The following THOP1 variants were observed in gnomAD, a reference collection of about 807,000 sequenced individuals.
THOP1 encodes the protein thimet oligopeptidase.
A neutral mutation model predicts 71.8 loss-of-function variants in THOP1; 49 were observed. The ratio of observed to expected loss-of-function variants is 0.68; its 90% CI spans 0.54 to 0.87. The LOEUF is 0.87. Ranked by LOEUF, THOP1 falls within the 40% of genes least tolerant of loss-of-function variation. The pLI is 0.00. For synonymous variants in THOP1, 426 were observed against 421.5 expected, an observed-to-expected ratio of 1.01 and a Z score of -0.13; for missense variants, 843 against 975.6, an observed-to-expected ratio of 0.86 and a Z score of 1.81.
In THOP1 at chr19:2,785,658, C is replaced by A; in HGVS notation, c.-5C>A. ...GAGGGAGCCGCAGGCGCAGACCCAC[C>A]CGCCATGAAGCCCCCCGCAGGTACC... On this transcript the variant is annotated 5_prime_UTR_variant, in exon 1 of 13. Coordinates refer to ENST00000307741, the MANE Select transcript of THOP1 (RefSeq NM_003249.5). 6.7e-7 allele frequency: 1 copy of A among 1,497,012 alleles called. No individual in the cohort carries two copies. Among genetic ancestry groups the A allele is most frequent in the African/African-American group, 1.4e-5 (1 of 69,636 alleles). The allele number at this position is 1,497,012 out of a possible 1,614,324, so 92.7% of individuals were successfully genotyped here.
chr19:2,805,126 C>CCTTT lies in THOP1; in HGVS notation c.702_703insTTCT (p.Glu235PhefsTer2). 1 of 1,612,804 alleles carries CCTTT rather than the reference C, an allele frequency of 6.2e-7. No homozygotes were observed. The highest frequency in any genetic ancestry group is 8.5e-7 in the Non-Finnish European group (1 of 1,179,836). ...CCCCCTCCTGAAGAAATGCCACGTG[C>CCTTT]CTGAGACCAGGAGGAAAGTGGAGGA... On this transcript the variant is annotated frameshift_variant, in exon 6 of 13. Transcript: ENST00000307741. LOFTEE classifies it high-confidence loss of function. This position sits in a 1 kb window ranked among gnomAD's most constrained non-coding sequence, Gnocchi z 6.6.
At chr19:2,793,106 C>T (rs990131281) in intron 2 of THOP1, among the ~76,000 whole-genome samples, 9 of 149,734 alleles carry the variant, frequency 6.0e-5, no homozygotes, top group Non-Finnish European at 1.3e-4. Context: ...ACCCGGGAGG[C>T]GGAGGTGGCG....
intron 4 of THOP1, among the ~76,000 whole-genome samples, chr19:2,796,826 G>A (rs1442889398): frequency 2.0e-5 from 3 of 152,192 alleles, no homozygotes; most frequent in Admixed American, 2.0e-4. Flanking sequence ...GGTCCACACA[G>A]ACATGGGGCG....
chr19:2,811,508 G>A, intron 11 of THOP1, 90 bp from the exon 12 acceptor site: 1 of 1,504,106 alleles, frequency 6.6e-7, no homozygotes, highest in Non-Finnish European at 8.9e-7. Flanking sequence ...TTCCGGGCAG[G>A]GGTCTCAGGA....
chr19:2,810,388 G>T lies in THOP1; in HGVS notation c.1540G>T (p.Glu514Ter). ...GCAGATGCTGGAGAACTGGGTGTGGGAGCAGGAGCCGCTGCTGCGGATGTC... is the reference window on the plus strand; with the variant it reads ...GCAGATGCTGGAGAACTGGGTGTGGTAGCAGGAGCCGCTGCTGCGGATGTC... ...PSQMLENWVW[E>*]QEPLLRMSRH... Residue 514 changes from glutamate (E) to a stop codon, truncating the protein, a stop_gained, in exon 10 of 13, where the codon GAG becomes TAG. Coordinates refer to ENST00000307741, the MANE Select transcript of THOP1 (RefSeq NM_003249.5). LOFTEE classifies it high-confidence loss of function. 1 of 1,610,806 alleles carries T rather than the reference G, an allele frequency of 6.2e-7. No homozygotes were observed.
chr19:2,803,416 C>T (rs368414212), intron 5 of THOP1, among the ~76,000 whole-genome samples: 2 of 152,186 alleles, frequency 1.3e-5, no homozygotes, highest in African/African-American at 4.8e-5. Flanking sequence ...CCACAGTGAA[C>T]GTGAACTATG....
At chr19:2,792,753 A>G (rs1915916926) in intron 2 of THOP1, among the ~76,000 whole-genome samples, 1 of 151,946 alleles carries the variant, frequency 6.6e-6, no homozygotes, top group Non-Finnish European at 1.5e-5. Flanking sequence ...TCCCAGGCTC[A>G]AGCGATCCTC....
chr19:2,789,266 T>G (rs1915822596), intron 1 of THOP1, among the ~76,000 whole-genome samples: 1 of 152,220 alleles, frequency 6.6e-6, no homozygotes, highest in Non-Finnish European at 1.5e-5. Flanking sequence ...CAGAACTGTT[T>G]GCTGGCCCCC....
chr19:2,807,311 G>A, intron 7 of THOP1, 131 bp from the exon 8 acceptor site: 1 of 1,393,002 alleles, frequency 7.2e-7, no homozygotes, highest in Non-Finnish European at 9.4e-7. Flanking sequence ...GGCCCCTCGA[G>A]GGGTTGCCGG....
At chr19:2,803,532 G>A (rs75995078) in intron 5 of THOP1, among the ~76,000 whole-genome samples, 142 of 152,274 alleles carry the variant, frequency 9.3e-4, no homozygotes, top group African/African-American at 3.1e-3. Flanking sequence ...CCAGTCCAGC[G>A]CTGCTGGGCC....
Position 2,805,256 on chromosome 19 carries a change from C to A in THOP1, c.750+80C>A, listed in dbSNP as rs140166259. The A allele has an allele frequency of 6.1e-6, 9 of 1,464,460 alleles. No individual in the cohort carries two copies. The highest frequency in any genetic ancestry group is 8.2e-6 in the Non-Finnish European group (9 of 1,098,896). 90.7% of individuals were successfully genotyped at this position (1,464,460 alleles called of 1,614,324 possible). A position where few individuals can be genotyped will look rare whatever the true frequency, so the allele number is the denominator to read the frequency against. On this transcript the variant is annotated intron_variant, in intron 6 of 12. Transcript: ENST00000307741. The surrounding 1 kb of genome is among the most constrained non-coding windows in gnomAD (Gnocchi z 6.6). ...CCGTCTGCTCCATGTGTGTGAGGCA[C>A]CTCCAGGCTTTGCACTTGGATGGCC...
chr19:2,802,831 G>A (rs1369900850), intron 5 of THOP1, among the ~76,000 whole-genome samples: 5 of 152,168 alleles, frequency 3.3e-5, no homozygotes, highest in Admixed American at 2.6e-4. Flanking sequence ...GTTTCTGTCC[G>A]TGTGCATGAG....
chr19:2,800,471 C>T (rs112497475), intron 5 of THOP1, among the ~76,000 whole-genome samples: 30 of 152,346 alleles, frequency 2.0e-4, no homozygotes, highest in African/African-American at 6.7e-4. Context: ...CATGAGCCAC[C>T]GTGCCCAGGC....
intron 9 of THOP1, chr19:2,809,623 T>G (rs1916403299): frequency 6.6e-6 from 1 of 152,298 alleles, no homozygotes; most frequent in Non-Finnish European, 1.5e-5. Flanking sequence ...CCACACTGTT[T>G]GCACAGCACT....
In THOP1 at chr19:2,799,699, G is replaced by T; in HGVS notation, c.497G>T (p.Arg166Leu). The change falls in exon 5 of 13, where the codon CGC (arginine) becomes CTC (leucine). Residue 166 changes from arginine to leucine, a missense_variant. Physicochemically the swap from Arg to Leu is moderately radical, Grantham distance 102. Coordinates refer to ENST00000307741, the MANE Select transcript of THOP1 (RefSeq NM_003249.5). Reference sequence around the variant, plus strand: ...CGCCTTTCTCTCCAGAACATCAAACGCATCAAGAAGAAGCTGAGCCTTCTG... The same window carrying T: ...CGCCTTTCTCTCCAGAACATCAAACTCATCAAGAAGAAGCTGAGCCTTCTG... ...LPRETQENIK[R>L]IKKKLSLLCI... 6.2e-7 allele frequency: 1 copy of T among 1,610,678 alleles called. No homozygotes were observed. Among genetic ancestry groups the T allele is most frequent in the South Asian group, 1.1e-5 (1 of 91,036 alleles).
chr19:2,791,872 C>T (rs1010296489), intron 2 of THOP1, among the ~76,000 whole-genome samples: 2 of 152,244 alleles, frequency 1.3e-5, no homozygotes, highest in Admixed American at 6.5e-5. Context: ...CCAGCATCCT[C>T]GGTGTGGTCT....
In THOP1 at chr19:2,804,897, G is replaced by A. The variant is rs921943963; in HGVS notation, c.590-119G>A. The A allele has an allele frequency of 4.9e-6, 5 of 1,027,196 alleles. No individual in the cohort carries two copies. Among genetic ancestry groups the A allele is most frequent in the Admixed American group, 5.9e-5 (2 of 33,806 alleles). The allele number at this position is 1,027,196 out of a possible 1,614,324, so 63.6% of individuals were successfully genotyped here. On this transcript the variant is annotated intron_variant, in intron 5 of 12. Transcript: ENST00000307741. The surrounding 1 kb of genome is among the most constrained non-coding windows in gnomAD (Gnocchi z 4.7). ...GGTGGTGGCCAGGCTGCAGCTGCTC[G>A]CTGAGGGCCCCCTTGTAGCTTTCCA...
At chr19:2,787,058 C>T (rs568890203) in intron 1 of THOP1, 4 of 152,288 alleles carry the variant, frequency 2.6e-5, no homozygotes, top group Non-Finnish European at 4.4e-5. Context: ...CCCGTCACAC[C>T]TGGCTAATTT....
At chr19:2,796,579 CTGGGGAGTACTCGGCA>C (rs903232668) in intron 4 of THOP1, among the ~76,000 whole-genome samples, 2 of 143,146 alleles carry the variant, frequency 1.4e-5, no homozygotes, top group Non-Finnish European at 3.1e-5. Flanking sequence ...AGTGCTCAGT[CTGGGGAGTACTCGGCA>C]TGGGGAGTAC....
Sources: allele counts gnomAD v4.1 joint callset (sites outside exome capture counted in the v4.1 genomes callset), GRCh38; gene constraint gnomAD v4.1.1; non-coding constraint Gnocchi (gnomAD v3.1); transcripts MANE v1.5; gene names NCBI Gene and HGNC (gene_info 2026-07-23, HGNC 2026-07-21).